SFXN5: variants seen among roughly 807,000 people sequenced by gnomAD.
SFXN5 encodes sideroflexin 5, also known as sideroflexin-5.
SFXN5 carries 43 observed loss-of-function variants against 50.2 expected under a neutral mutation model. That is an observed-to-expected ratio of 0.86 (90% confidence interval 0.67 to 1.11). The LOEUF is 1.11. Among genes scored for constraint, SFXN5 ranks in the 50% least tolerant of loss-of-function variants. The probability of loss-of-function intolerance (pLI) is 0.00; values close to 1 mark genes in which losing one functional copy is unlikely to be tolerated. For missense variants in SFXN5, 463 were observed against 454.1 expected (o/e 1.02, Z -0.18); for synonymous variants, 203 against 185.8 (o/e 1.09, Z -0.75).
At chr2:72,971,093 C>A (rs1185793984) in intron 11 of SFXN5, among the ~76,000 whole-genome samples, 1 of 152,220 alleles carries the variant, frequency 6.6e-6, no homozygotes, top group Non-Finnish European at 1.5e-5. Context: ...CTGCAAGCCT[C>A]AAATCCCTTG....
Position 72,950,783 on chromosome 2 carries a change from C to T in SFXN5, c.946-5684G>A, listed in dbSNP as rs1022158661. On this transcript the variant is annotated intron_variant, in intron 13 of 13. Coordinates refer to ENST00000272433, the MANE Select transcript of SFXN5 (RefSeq NM_144579.3). This position sits in a 1 kb window ranked among gnomAD's most constrained non-coding sequence, Gnocchi z 4.2. The stretch of plus-strand genomic sequence containing the variant: ...GCATCTCTTCCTGCTGCCCAACCAA[C>T]TCCACCCCGCAGAAGGCCAGAGCCC... Among the ~76,000 whole-genome samples, 1 of 152,260 alleles carries T rather than the reference C, an allele frequency of 6.6e-6. No individual in the cohort carries two copies. Among genetic ancestry groups the T allele is most frequent in the Non-Finnish European group, 1.5e-5 (1 of 68,050 alleles).
chr2:73,059,302 C>T (rs1485352920), intron 1 of SFXN5: 2 of 985,682 alleles, frequency 2.0e-6, no homozygotes, highest in Non-Finnish European at 2.4e-6. Flanking sequence ...CTGGGCAAAG[C>T]TGAGCTCAAG....
chr2:72,988,214 C>T (rs1257894496), intron 10 of SFXN5, 44 bp downstream of exon 10: 7 of 1,575,618 alleles, frequency 4.4e-6, no homozygotes, highest in Non-Finnish European at 2.6e-6. Flanking sequence ...AGCGGTCCCC[C>T]ACACCCACCC....
intron 1 of SFXN5, chr2:73,071,250 C>T (rs1380991950): frequency 7.9e-6 from 2 of 254,356 alleles, no homozygotes; most frequent in Admixed American, 5.7e-5. Context: ...CCCGGGCGGG[C>T]AGCTGCACAA....
chr2:73,054,501 T>G (rs1681832443), intron 2 of SFXN5, among the ~76,000 whole-genome samples: 2 of 151,922 alleles, frequency 1.3e-5, no homozygotes, highest in Non-Finnish European at 2.9e-5. Context: ...AGGAGAGTAG[T>G]GAAATGAAAT....
intron 2 of SFXN5, among the ~76,000 whole-genome samples, chr2:73,045,813 C>T (rs1052240043): frequency 4.3e-4 from 66 of 152,100 alleles, no homozygotes; most frequent in Non-Finnish European, 2.4e-4. Flanking sequence ...CATGTTCCCA[C>T]CCAGCAGTCC....
intron 13 of SFXN5, among the ~76,000 whole-genome samples, chr2:72,951,978 A>C (rs1672584178): frequency 6.6e-6 from 1 of 152,008 alleles, no homozygotes; most frequent in African/African-American, 2.4e-5. Flanking sequence ...ACACACACAC[A>C]TCCAGGCCCC....
chr2:73,025,782 G>A (rs909470219), intron 3 of SFXN5, among the ~76,000 whole-genome samples: 1 of 152,218 alleles, frequency 6.6e-6, no homozygotes, highest in Admixed American at 6.5e-5. Context: ...CATGGCCAGA[G>A]ATCAGGGAGA....
At chr2:72,982,676 C>G (rs910472602) in intron 10 of SFXN5, among the ~76,000 whole-genome samples, 3 of 152,208 alleles carry the variant, frequency 2.0e-5, no homozygotes, top group African/African-American at 7.2e-5. Flanking sequence ...CTAACCCTGG[C>G]TGGGACTCCC....
chr2:73,015,871 G>C (rs1001295356), intron 6 of SFXN5, among the ~76,000 whole-genome samples: 36 of 151,350 alleles, frequency 2.4e-4, no homozygotes, highest in Non-Finnish European at 5.9e-5. Flanking sequence ...CCAGGAATTT[G>C]AGGCTGCAGT....
intron 2 of SFXN5, among the ~76,000 whole-genome samples, chr2:73,054,373 G>GT (rs563688839): frequency 2.6e-5 from 4 of 152,004 alleles, no homozygotes; most frequent in Admixed American, 2.0e-4. Flanking sequence ...TAAATTAATA[G>GT]TTTTTTTTAA....
In SFXN5 at chr2:73,043,067, A is replaced by G. The variant is rs140919859; in HGVS notation, c.172-2136T>C. 4.5e-3 allele frequency among the ~76,000 whole-genome samples: 691 copies of G among 152,274 alleles called. 6 individuals are homozygous for G. Among genetic ancestry groups the G allele is most frequent in the Non-Finnish European group, 5.6e-3 (379 of 68,018 alleles). The stretch of plus-strand genomic sequence containing the variant: ...TGGGCGACAGAGTGAGCCTGTCTCC[A>G]ATAAATAAATAAATAAACAAATAAA... On this transcript the variant is annotated intron_variant, in intron 2 of 13. Transcript: ENST00000272433.
At chr2:73,006,143 T>G (rs1401778371) in intron 6 of SFXN5, among the ~76,000 whole-genome samples, 1 of 151,600 alleles carries the variant, frequency 6.6e-6, no homozygotes, top group African/African-American at 2.4e-5. Context: ...CTGCTGAGCA[T>G]CTGAGGTTGC....
chr2:72,947,797 C>T (rs1009234613), intron 13 of SFXN5, among the ~76,000 whole-genome samples: 2 of 152,102 alleles, frequency 1.3e-5, no homozygotes, highest in African/African-American at 4.8e-5. Context: ...GCCACTCCGT[C>T]TTCTCAAACC....
intron 13 of SFXN5, among the ~76,000 whole-genome samples, chr2:72,947,504 GGTTGAACTTGGTTCTA>G (rs1182972701): frequency 6.6e-6 from 1 of 152,160 alleles, no homozygotes; most frequent in East Asian, 1.9e-4. Flanking sequence ...AACTTAGGTT[GGTTGAACTTGGTTCTA>G]GACACCCGCC....
intron 10 of SFXN5, among the ~76,000 whole-genome samples, chr2:72,985,407 C>T (rs960818613): frequency 1.3e-5 from 2 of 152,080 alleles, no homozygotes; most frequent in African/African-American, 4.8e-5. Context: ...AGGGACTGGA[C>T]GGTGGCCTGA....
chr2:72,989,501 GA>G (rs1208169268), intron 9 of SFXN5, among the ~76,000 whole-genome samples: 1 of 152,116 alleles, frequency 6.6e-6, no homozygotes, highest in Admixed American at 6.6e-5. Flanking sequence ...ATATAATCAT[GA>G]TGTCACGGGA....
intron 10 of SFXN5, among the ~76,000 whole-genome samples, chr2:72,975,049 G>A (rs962285000): frequency 2.0e-5 from 3 of 152,180 alleles, no homozygotes; most frequent in Non-Finnish European, 4.4e-5. Context: ...AGGCATAACT[G>A]ATGTTTGAGC....
intron 2 of SFXN5, among the ~76,000 whole-genome samples, chr2:73,054,512 G>C (rs1317396484): frequency 1.3e-5 from 2 of 152,164 alleles, no homozygotes; most frequent in African/African-American, 2.4e-5. Context: ...GAAATGAAAT[G>C]ATCCGAGAAT....
Sources: allele counts gnomAD v4.1 joint callset (sites outside exome capture counted in the v4.1 genomes callset), GRCh38; gene constraint gnomAD v4.1.1; non-coding constraint Gnocchi (gnomAD v3.1); transcripts MANE v1.5; gene names NCBI Gene and HGNC (gene_info 2026-07-23, HGNC 2026-07-21).